CCNY: variants seen among roughly 807,000 people sequenced by gnomAD.
CCNY encodes the protein cyclin-Y.
A neutral mutation model predicts 42.8 loss-of-function variants in CCNY; 19 were observed. The observed-to-expected ratio is 0.44, with a 90% CI of 0.31 to 0.65. CCNY has a LOEUF of 0.65. Among genes scored for constraint, CCNY ranks in the 30% least tolerant of loss-of-function variants. The pLI is 0.07. For missense variants in CCNY, 370 were observed against 437.3 expected (o/e 0.85, Z 1.37); for synonymous variants, 165 against 162.7 (o/e 1.01, Z -0.11).
At position 35,530,039 on chromosome 10, in the gene CCNY, C is replaced by T. The variant is rs574370540; in HGVS notation, c.459+9C>T. On this transcript the variant is annotated intron_variant, in intron 6 of 9. Transcript: ENST00000374704. The surrounding 1 kb of genome is among the most constrained non-coding windows in gnomAD (Gnocchi z 4.3). The stretch of plus-strand genomic sequence containing the variant: ...ATCTTCACCCTCTTTCGGTAATCTC[C>T]TCCGTGTGTTTCATGAGATGATTTA... 1 of 1,614,052 alleles carries T rather than the reference C, an allele frequency of 6.2e-7. No homozygotes were observed. Among genetic ancestry groups the T allele is most frequent in the South Asian group, 1.1e-5 (1 of 91,078 alleles).
At chr10:35,434,887 C>A (rs775964071) in intron 1 of CCNY, among the ~76,000 whole-genome samples, 1 of 152,194 alleles carries the variant, frequency 6.6e-6, no homozygotes, top group Non-Finnish European at 1.5e-5. Context: ...TCACTTTGTG[C>A]CCCTTATACT....
intron 7 of CCNY, among the ~76,000 whole-genome samples, chr10:35,537,694 G>A (rs947284915): frequency 6.6e-6 from 1 of 152,060 alleles, no homozygotes; most frequent in African/African-American, 2.4e-5. Flanking sequence ...TTCCCCTTTG[G>A]AATGGCTGTA....
At chr10:35,383,474 A>ATTT (rs1837236825) in intron 1 of CCNY, among the ~76,000 whole-genome samples, 1 of 151,926 alleles carries the variant, frequency 6.6e-6, no homozygotes, top group Non-Finnish European at 1.5e-5. Context: ...CGCTCAGCTA[A>ATTT]TTTTTGTATT....
intron 2 of CCNY, among the ~76,000 whole-genome samples, chr10:35,248,496 A>C (rs991715014): frequency 6.6e-6 from 1 of 152,074 alleles, no homozygotes; most frequent in Non-Finnish European, 1.5e-5. Context: ...ATACAAAAAA[A>C]TTAGCTGGGC....
chr10:35,473,293 G>T (rs1056145582), intron 1 of CCNY, among the ~76,000 whole-genome samples: 1 of 152,190 alleles, frequency 6.6e-6, no homozygotes, highest in Admixed American at 6.5e-5. Context: ...GTGTGGTGTC[G>T]TCTTTTCTCA....
At chr10:35,516,754 AG>A in intron 4 of CCNY, 131 bp downstream of exon 4, 1 of 576,288 alleles carries the variant, frequency 1.7e-6, no homozygotes, top group Non-Finnish European at 2.9e-6. Context: ...GGGGTCTGGG[AG>A]TGATAAGATT....
chr10:35,325,310 C>G (rs1835866179), intron 3 of CCNY, among the ~76,000 whole-genome samples: 1 of 152,118 alleles, frequency 6.6e-6, no homozygotes, highest in East Asian at 1.9e-4. Flanking sequence ...TCCTGAGTAG[C>G]TGGGACTACA....
intron 8 of CCNY, among the ~76,000 whole-genome samples, chr10:35,565,199 A>T (rs540351241): frequency 1.9e-4 from 29 of 152,314 alleles, no homozygotes; most frequent in African/African-American, 5.8e-4. Context: ...TTCCATCAAC[A>T]TGTAGATGGG....
intron 1 of CCNY, among the ~76,000 whole-genome samples, chr10:35,373,517 G>A (rs1011316905): frequency 3.3e-5 from 5 of 152,158 alleles, no homozygotes; most frequent in African/African-American, 1.2e-4. Context: ...AAAGAGGAAC[G>A]GCATACCTCT....
At chr10:35,550,177 C>T (rs530704291) in intron 7 of CCNY, among the ~76,000 whole-genome samples, 53 of 137,728 alleles carry the variant, frequency 3.8e-4, no homozygotes, top group African/African-American at 9.0e-4. Context: ...CGTGACCCTG[C>T]GCTGCTCATG....
chr10:35,538,220 CTTCT>C (rs1400621150), intron 7 of CCNY, among the ~76,000 whole-genome samples: 2 of 152,118 alleles, frequency 1.3e-5, no homozygotes, highest in African/African-American at 4.8e-5. Flanking sequence ...TCAATTAAAC[CTTCT>C]TTCTTTTGTA....
chr10:35,385,129 C>T (rs932973885), intron 1 of CCNY, among the ~76,000 whole-genome samples: 10 of 152,136 alleles, frequency 6.6e-5, no homozygotes, highest in African/African-American at 9.7e-5. Context: ...TAACAGCTAT[C>T]GATGGATTGA....
intron 3 of CCNY, among the ~76,000 whole-genome samples, chr10:35,256,898 A>C (rs563827321): frequency 1.3e-5 from 2 of 152,252 alleles, no homozygotes; most frequent in South Asian, 4.2e-4. Flanking sequence ...TAAAAAACAA[A>C]ATGTGGAATT....
rs1841691220 is a variant in CCNY, at chr10:35,571,834, G to A, written c.*2664G>A. Reference sequence around the variant, plus strand: ...TGTAGTTTTTGAATGGAAAGTTTTTGTCATTAAGGATGAAGGAAACGACAC... The same window carrying A: ...TGTAGTTTTTGAATGGAAAGTTTTTATCATTAAGGATGAAGGAAACGACAC... On this transcript the variant is annotated 3_prime_UTR_variant, in exon 10 of 10. Transcript: ENST00000374704. 6.6e-6 allele frequency: 1 copy of A among 152,340 alleles called. No homozygotes were observed. Among genetic ancestry groups the A allele is most frequent in the African/African-American group, 2.4e-5 (1 of 41,522 alleles). 9.4% of individuals were successfully genotyped at this position (152,340 alleles called of 1,614,324 possible). A position where few individuals can be genotyped will look rare whatever the true frequency, so the allele number is the denominator to read the frequency against.
chr10:35,247,031 G>C (rs2095708474), exon 1 of CCNY: 2 of 152,742 alleles, frequency 1.3e-5, no homozygotes, highest in Admixed American at 6.5e-5. Context: ...AGTCAGGAGA[G>C]ATGTGAGCCT....
At chr10:35,427,028 A>T (rs2135272636) in intron 1 of CCNY, among the ~76,000 whole-genome samples, 1 of 152,350 alleles carries the variant, frequency 6.6e-6, no homozygotes, top group East Asian at 1.9e-4. Flanking sequence ...TACACTTTTT[A>T]AAAGTATATT....
At chr10:35,419,533 C>CTTTTT (rs34429228) in intron 1 of CCNY, among the ~76,000 whole-genome samples, 12 of 129,686 alleles carry the variant, frequency 9.3e-5, no homozygotes, top group South Asian at 6.9e-4. Context: ...TAGACCGTTC[C>CTTTTT]TTTTTTTTTT....
At chr10:35,347,594 A>T (rs115121224) in intron 1 of CCNY, 3 of 187,180 alleles carry the variant, frequency 1.6e-5, no homozygotes, top group Admixed American at 1.3e-4. Flanking sequence ...GTTATTAAGG[A>T]TATTTTGTTT....
rs1193483818 is a variant in CCNY, at chr10:35,379,398, G to A, written c.154+42191G>A. 2.0e-5 allele frequency among the ~76,000 whole-genome samples: 3 copies of A among 152,290 alleles called. No individual in the cohort carries two copies. The South Asian group carries it at 6.2e-4, about 32-fold the overall frequency. On this transcript the variant is annotated intron_variant, in intron 1 of 9. Transcript: ENST00000374704. ...GGGGCAGAAGGGGAAGGTGGGGAGC[G>A]GTGGGGCCTGAAAACAGCAGTCAGA...
Sources: allele counts gnomAD v4.1 joint callset (sites outside exome capture counted in the v4.1 genomes callset), GRCh38; gene constraint gnomAD v4.1.1; non-coding constraint Gnocchi (gnomAD v3.1); transcripts MANE v1.5; gene names NCBI Gene and HGNC (gene_info 2026-07-23, HGNC 2026-07-21).